The following INTS1 variants were observed in gnomAD, a reference collection of about 807,000 sequenced individuals.
INTS1 encodes the protein integrator complex subunit 1.
INTS1 carries 137 observed loss-of-function variants against 241.6 expected under a neutral mutation model. The observed-to-expected ratio is 0.57, with a 90% CI of 0.49 to 0.65. The LOEUF is 0.65. INTS1 is among the 30% of genes least tolerant of loss of function. The pLI is 0.00. For synonymous variants in INTS1, 1,692 were observed against 1,337.8 expected (o/e 1.26, Z -5.78); for missense variants, 3,073 against 3,032.2 (o/e 1.01, Z -0.32).
chr7:1,487,511 T>G, intron 19 of INTS1, 62 bp from the exon 20 acceptor site: 1 of 1,550,724 alleles, frequency 6.4e-7, no homozygotes, highest in South Asian at 1.2e-5. Flanking sequence ...CCAGAACCCC[T>G]CCTCCTCCCA....
At position 1,492,997 on chromosome 7, in the gene INTS1, G is replaced by A. The variant is rs765773887; in HGVS notation, c.2165+13C>T. On this transcript the variant is annotated intron_variant, in intron 16 of 47. Transcript: ENST00000404767. ...TTACCCGGGCGGGAGTGGGGAGCGG[G>A]GCGTGGGCTTACCCCGGTGGGAGCT... is the stretch of plus-strand genomic sequence containing the variant. 4.4e-6 allele frequency: 7 copies of A among 1,604,936 alleles called. No individual in the cohort carries two copies. The East Asian group carries it at 1.3e-4, about 31-fold the overall frequency.
chr7:1,492,655 A>G (rs906975498), intron 16 of INTS1, among the ~76,000 whole-genome samples: 7 of 152,250 alleles, frequency 4.6e-5, no homozygotes, highest in Admixed American at 4.6e-4. Flanking sequence ...CACACGTTAA[A>G]CACAGGAGAA....
chr7:1,491,834 G>C (rs558012654), intron 16 of INTS1, among the ~76,000 whole-genome samples: 1 of 152,364 alleles, frequency 6.6e-6, no homozygotes, highest in African/African-American at 2.4e-5. Flanking sequence ...GGAGGTTGAG[G>C]CTGCAGTGAA....
chr7:1,487,249 C>T (rs1050879320), intron 20 of INTS1, 71 bp downstream of exon 20: 2 of 1,533,486 alleles, frequency 1.3e-6, no homozygotes, highest in African/African-American at 2.7e-5. Context: ...CTCTTCTGGC[C>T]ACCAAGGCCT....
intron 3 of INTS1, among the ~76,000 whole-genome samples, chr7:1,501,513 A>G (rs367562662): frequency 1.3e-5 from 2 of 152,218 alleles, no homozygotes; most frequent in East Asian, 3.9e-4. Context: ...TTTTGCTGAG[A>G]ATAATACTAT....
Position 1,477,736 on chromosome 7 carries a change from G to A in INTS1, c.4814+17C>T, listed in dbSNP as rs541089654. 48 of 1,611,150 alleles carry A rather than the reference G, an allele frequency of 3.0e-5. No homozygotes were observed. The South Asian group carries it at 3.2e-4, about 11-fold the overall frequency. The stretch of plus-strand genomic sequence containing the variant: ...ACCCGCCTGCCCACCCTGGCCGTGT[G>A]CAGCACCCCAGCTCACCTGCCACCG... On this transcript the variant is annotated intron_variant, in intron 34 of 47. Coordinates refer to ENST00000404767, the MANE Select transcript of INTS1 (RefSeq NM_001080453.3).
In INTS1 at chr7:1,474,722, G is replaced by A. The variant is rs2128532875; in HGVS notation, c.5619C>T (p.His1873=). The A allele has an allele frequency of 1.3e-6, 2 of 1,561,376 alleles. No individual in the cohort carries two copies. Among genetic ancestry groups the A allele is most frequent in the Middle Eastern group, 2.2e-4 (1 of 4,482 alleles). ...SMACRKLAVA[H]PLLLLRHLPM... ...GACAGCACCTGAGCAGCAGCAGCGG[G>A]TGCGCCACCGCCAGCTTCCGGCAGG... Residue 1873 remains histidine (H), a synonymous_variant, in exon 40 of 48, where the codon CAC becomes CAT. Transcript: ENST00000404767.
chr7:1,487,353 G>A lies in INTS1; in HGVS notation c.2613C>T (p.Asn871=), dbSNP rs763739279. The A allele has an allele frequency of 6.2e-7, 1 of 1,606,872 alleles. No homozygotes were observed. The highest frequency in any genetic ancestry group is 1.7e-5 in the Admixed American group (1 of 59,116). The change falls in exon 20 of 48, where the codon AAC becomes AAT. Residue 871 remains asparagine (N), a synonymous_variant. Transcript: ENST00000404767. ...RLGHLLCRSR[N]PDFLLHIIQR... is the part of the protein sequence containing the mutation. ...GGATGATGTGGAGGAGAAAGTCAGGGTTTCGGCTGCGGCACAAGAGGTGCC... is the reference window on the plus strand; with the variant it reads ...GGATGATGTGGAGGAGAAAGTCAGGATTTCGGCTGCGGCACAAGAGGTGCC...
chr7:1,494,752 G>T, intron 14 of INTS1, 64 bp downstream of exon 14: 1 of 1,506,098 alleles, frequency 6.6e-7, no homozygotes, highest in Non-Finnish European at 9.0e-7. Context: ...TGCCGCAGCC[G>T]GCCCGGCACC....
chr7:1,483,680 G>A (rs1782105344), intron 26 of INTS1, 62 bp downstream of exon 26: 1 of 1,291,374 alleles, frequency 7.7e-7, no homozygotes, highest in Admixed American at 1.7e-5. Flanking sequence ...GCCGCTGGGT[G>A]TGGTCAGGGC....
chr7:1,490,402 G>A (rs541724129), intron 16 of INTS1, among the ~76,000 whole-genome samples: 34 of 151,864 alleles, frequency 2.2e-4, no homozygotes, highest in African/African-American at 6.8e-4. Flanking sequence ...AAAGGGTGTC[G>A]GCTCCGGATA....
rs200559374 is a variant in INTS1, at chr7:1,473,221, G to A, written c.5958-37C>T. The A allele has an allele frequency of 3.9e-5, 57 of 1,468,528 alleles. No homozygotes were observed. The African/African-American group carries it at 5.0e-4, about 13-fold the overall frequency. 91.0% of individuals were successfully genotyped at this position (1,468,528 alleles called of 1,614,324 possible). On this transcript the variant is annotated intron_variant, in intron 42 of 47. Transcript: ENST00000404767. Reference sequence around the variant, plus strand: ...AGATGCTTTCACCTGGGAGGAAGACGCTGGCAGGAGGAAGGCTGGGTCAGG... The same window carrying A: ...AGATGCTTTCACCTGGGAGGAAGACACTGGCAGGAGGAAGGCTGGGTCAGG...
At chr7:1,474,938 G>C in intron 39 of INTS1, 100 bp from the exon 40 acceptor site, 1 of 1,449,530 alleles carries the variant, frequency 6.9e-7, no homozygotes, top group Middle Eastern at 2.5e-4. Flanking sequence ...CCACCGCGTG[G>C]CACGCCATGA....
chr7:1,496,319 C>A, intron 11 of INTS1, 55 bp from the exon 12 acceptor site: 1 of 929,964 alleles, frequency 1.1e-6, no homozygotes, highest in Admixed American at 2.0e-5. Context: ...AGCCCCACTC[C>A]ACACCCACGT....
At position 1,485,333 on chromosome 7, in the gene INTS1, A is replaced by G. The variant is rs1211256159; in HGVS notation, c.3113T>C (p.Leu1038Pro). The change falls in exon 23 of 48, where the codon CTG becomes CCG. Residue 1038 changes from leucine (L) to proline (P), a missense_variant. Coordinates refer to ENST00000404767, the MANE Select transcript of INTS1 (RefSeq NM_001080453.3). ...TGTGGTGCTCCTGACGCTGTCGAACAGAGGCAGGCGAGGCAGGTCCCGCAG... is the reference window on the plus strand; with the variant it reads ...TGTGGTGCTCCTGACGCTGTCGAACGGAGGCAGGCGAGGCAGGTCCCGCAG... ...WLLRDLPRLP[L>P]FDSVRSTTAL... The G allele has an allele frequency of 1.9e-6, 3 of 1,612,182 alleles. No homozygotes were observed. The highest frequency in any genetic ancestry group is 1.3e-5 in the African/African-American group (1 of 74,926).
At chr7:1,475,120 AC>A (rs1306754588) in intron 39 of INTS1, among the ~76,000 whole-genome samples, 7 of 152,338 alleles carry the variant, frequency 4.6e-5, no homozygotes, top group African/African-American at 1.7e-4. Context: ...GCAGTGGCTC[AC>A]GCCTGCCATC....
rs1246751411 is a variant in INTS1, at chr7:1,486,720, G to A, written c.2881C>T (p.Pro961Ser). The A allele has an allele frequency of 1.9e-6, 3 of 1,612,682 alleles. No individual in the cohort carries two copies. The highest frequency in any genetic ancestry group is 1.1e-5 in the South Asian group (1 of 91,078). The change falls in exon 22 of 48, where the codon CCG becomes TCG. Residue 961 changes from proline (P) to serine (S), a missense_variant. Pro to Ser is a moderately conservative substitution (Grantham distance 74, BLOSUM62 -1). Transcript: ENST00000404767. ...CACGTGGTCTGCTCATCAGCCTTCG[G>A]GCCCAGTAGCAGGTCCTGCAGGCGG... ...LGRLQDLLLG[P>S]KADEQTTCEV...
At position 1,484,313 on chromosome 7, in the gene INTS1, G is replaced by A. The variant is rs1363508690; in HGVS notation, c.3262-143C>T. The A allele has an allele frequency of 7.3e-5, 62 of 849,614 alleles. No individual in the cohort carries two copies. In the Admixed American group the frequency reaches 1.1e-3, roughly 15 times the overall value. 52.6% of individuals were successfully genotyped at this position (849,614 alleles called of 1,614,324 possible). ...GCAGACCCTCACTCAGCCGCAGGCC[G>A]CCAGGGAAGACGACCAGAGCTGGGT... On this transcript the variant is annotated intron_variant, in intron 24 of 47. Transcript: ENST00000404767.
At chr7:1,494,160 AC>A (rs1459039452) in intron 14 of INTS1, among the ~76,000 whole-genome samples, 1 of 152,132 alleles carries the variant, frequency 6.6e-6, no homozygotes, top group Admixed American at 6.5e-5. Flanking sequence ...GGATACACAC[AC>A]AGTCACTGGT....
Sources: gnomAD v4.1 joint callset for allele counts (sites outside exome capture counted in the v4.1 genomes callset) on GRCh38, gnomAD v4.1.1 for gene constraint, MANE v1.5 for transcripts, NCBI Gene and HGNC (gene_info 2026-07-23, HGNC 2026-07-21) for gene names.